FHIT: variants seen among roughly 807,000 people sequenced by gnomAD.
FHIT encodes the protein fragile histidine triad diadenosine triphosphatase, also known as bis(5'-adenosyl)-triphosphatase.
In FHIT, 19 loss-of-function variants were observed where a neutral mutation model predicts 17.9. The observed-to-expected ratio is 1.06, with a 90% CI of 0.74 to 1.56. The LOEUF is 1.56. FHIT is among the 40% of genes most tolerant of loss of function. The probability of loss-of-function intolerance (pLI) is 0.00; values close to 1 mark genes in which losing one functional copy is unlikely to be tolerated. For missense variants in FHIT, 248 were observed against 189.2 expected, an observed-to-expected ratio of 1.31 and a Z score of -1.82; for synonymous variants, 81 against 69.7, an observed-to-expected ratio of 1.16 and a Z score of -0.81.
intron 7 of FHIT, among the ~76,000 whole-genome samples, chr3:59,966,981 C>G (rs534363246): frequency 6.6e-6 from 1 of 152,104 alleles, no homozygotes; most frequent in Non-Finnish European, 1.5e-5. Flanking sequence ...TACAGGTATA[C>G]AAAAATATTT....
intron 5 of FHIT, among the ~76,000 whole-genome samples, chr3:60,394,700 G>C (rs536521446): frequency 2.6e-4 from 40 of 152,268 alleles, no homozygotes; most frequent in African/African-American, 9.4e-4. Context: ...AGAATTAAGT[G>C]AGTTGATACA....
chr3:60,131,630 C>G (rs894797348), intron 5 of FHIT, among the ~76,000 whole-genome samples: 7 of 152,210 alleles, frequency 4.6e-5, no homozygotes, highest in Admixed American at 1.3e-4. Context: ...ACAGATATGT[C>G]TCCTTCTCTT....
intron 2 of FHIT, among the ~76,000 whole-genome samples, chr3:61,154,282 T>A (rs1282820320): frequency 6.6e-6 from 1 of 152,148 alleles, no homozygotes; most frequent in Non-Finnish European, 1.5e-5. Flanking sequence ...AACATATTAC[T>A]GGAGTAACAA....
chr3:60,750,893 T>G (rs1049128536), intron 4 of FHIT, among the ~76,000 whole-genome samples: 9 of 152,148 alleles, frequency 5.9e-5, no homozygotes, highest in Non-Finnish European at 4.4e-5. Context: ...CATCCTCCCA[T>G]AGAAACAGGG....
intron 3 of FHIT, among the ~76,000 whole-genome samples, chr3:60,914,764 T>C (rs1439135390): frequency 2.0e-5 from 3 of 152,160 alleles, no homozygotes; most frequent in African/African-American, 7.2e-5. Flanking sequence ...TAATGAAGGG[T>C]TTTTATGAAC....
At position 59,861,608 on chromosome 3, in the gene FHIT, G is replaced by A. The variant is rs7609900; in HGVS notation, c.348+60738C>T. Among the ~76,000 whole-genome samples the A allele has an allele frequency of 5.0e-4, 76 of 152,264 alleles. 5 individuals carry two copies. In the East Asian group the frequency reaches 5.2e-3, roughly 10 times the overall value. On this transcript the variant is annotated intron_variant, in intron 8 of 9. Transcript: ENST00000492590. Reference sequence around the variant, plus strand: ...AATGCACAGATAAGGTCTCTGCACTGAGGAGGAACAATAAAGGAAGGTGAT... The same window carrying A: ...AATGCACAGATAAGGTCTCTGCACTAAGGAGGAACAATAAAGGAAGGTGAT...
At chr3:60,087,644 G>A (rs1703551560) in intron 5 of FHIT, among the ~76,000 whole-genome samples, 1 of 152,070 alleles carries the variant, frequency 6.6e-6, no homozygotes. Context: ...CTTCCACAAA[G>A]CCCTAGGACA....
At position 59,945,208 on chromosome 3, in the gene FHIT, T is replaced by C. The variant is rs566333758; in HGVS notation, c.280-22794A>G. On this transcript the variant is annotated intron_variant, in intron 7 of 9. Coordinates refer to ENST00000492590, the MANE Select transcript of FHIT (RefSeq NM_002012.4). ...CTGCTATTTTTTGACTTGTTAGTAA[T>C]AGCCATTCTGAATGGTATGAGATGG... Among the ~76,000 whole-genome samples the C allele has an allele frequency of 6.6e-5, 10 of 152,286 alleles. No homozygotes were observed. In the East Asian group the frequency reaches 1.2e-3, roughly 18 times the overall value.
chr3:60,145,011 A>T (rs1438573355), intron 5 of FHIT, among the ~76,000 whole-genome samples: 1 of 152,184 alleles, frequency 6.6e-6, no homozygotes, highest in Non-Finnish European at 1.5e-5. Flanking sequence ...CATCAATTCC[A>T]GTGATATTGT....
intron 5 of FHIT, among the ~76,000 whole-genome samples, chr3:60,044,563 G>T (rs1172411279): frequency 1.3e-5 from 2 of 151,398 alleles, no homozygotes; most frequent in Non-Finnish European, 2.9e-5. Context: ...GAAGGAAGAG[G>T]AGGAGAAAGA....
chr3:60,485,082 G>C (rs1385639555), intron 5 of FHIT, among the ~76,000 whole-genome samples: 1 of 152,174 alleles, frequency 6.6e-6, no homozygotes, highest in Non-Finnish European at 1.5e-5. Flanking sequence ...TCAGAGAAAT[G>C]CAAATCAAAA....
At chr3:60,443,153 T>C (rs1441584338) in intron 5 of FHIT, among the ~76,000 whole-genome samples, 1 of 152,206 alleles carries the variant, frequency 6.6e-6, no homozygotes, top group Non-Finnish European at 1.5e-5. Flanking sequence ...AAGTTGCCTA[T>C]CAGCTTAAGG....
chr3:61,047,071 G>A (rs992976424), intron 2 of FHIT, among the ~76,000 whole-genome samples: 3 of 152,194 alleles, frequency 2.0e-5, no homozygotes, highest in African/African-American at 7.2e-5. Context: ...CATTCCCTTT[G>A]AAACCTGGCA....
chr3:60,228,280 A>C (rs1164775314), intron 5 of FHIT, among the ~76,000 whole-genome samples: 2 of 152,198 alleles, frequency 1.3e-5, no homozygotes, highest in African/African-American at 4.8e-5. Context: ...AGAGCAAAGA[A>C]AATTAGTGGT....
chr3:61,154,765 A>G (rs2037488348), intron 2 of FHIT, among the ~76,000 whole-genome samples: 2 of 152,216 alleles, frequency 1.3e-5, no homozygotes, highest in Non-Finnish European at 2.9e-5. Flanking sequence ...CTTGAGGTGG[A>G]AAACCAAAAT....
chr3:60,121,710 ACAC>A (rs1375781362), intron 5 of FHIT, among the ~76,000 whole-genome samples: 41 of 16,116 alleles, frequency 2.5e-3, no homozygotes, highest in Middle Eastern at 0.021. Flanking sequence ...AACAAAACAA[ACAC>A]ACACACACAC....
At chr3:60,182,720 C>A (rs977195009) in intron 5 of FHIT, among the ~76,000 whole-genome samples, 13 of 151,864 alleles carry the variant, frequency 8.6e-5, no homozygotes, top group African/African-American at 2.9e-4. Flanking sequence ...GAGCTTGACA[C>A]TGCAGTGAGC....
intron 1 of FHIT, among the ~76,000 whole-genome samples, chr3:61,204,503 A>C (rs2039142004): frequency 6.6e-6 from 1 of 152,236 alleles, no homozygotes; most frequent in Non-Finnish European, 1.5e-5. Context: ...GATTCTCTAT[A>C]CAACATTGAA....
At chr3:60,327,877 G>A (rs1416796697) in intron 5 of FHIT, among the ~76,000 whole-genome samples, 4 of 152,242 alleles carry the variant, frequency 2.6e-5, no homozygotes, top group East Asian at 1.9e-4. Flanking sequence ...GCTGGCAGGC[G>A]AAGGAAACAA....
Sources: gnomAD v4.1 joint callset for allele counts (sites outside exome capture counted in the v4.1 genomes callset) on GRCh38, gnomAD v4.1.1 for gene constraint, MANE v1.5 for transcripts, NCBI Gene and HGNC (gene_info 2026-07-23, HGNC 2026-07-21) for gene names.